The following NLRP8 variants were observed in gnomAD, a reference collection of about 807,000 sequenced individuals.
The protein encoded by NLRP8 is NACHT, LRR and PYD domains-containing protein 8.
In NLRP8, 86 loss-of-function variants were observed where a neutral mutation model predicts 88.7. The observed-to-expected ratio is 0.97, with a 90% CI of 0.81 to 1.16. The LOEUF is 1.16. NLRP8 is among the 50% of genes most tolerant of loss of function. The probability of loss-of-function intolerance (pLI) is 0.00; values close to 1 mark genes in which losing one functional copy is unlikely to be tolerated. For missense variants in NLRP8, 1,342 were observed against 1,286.5 expected (o/e 1.04, Z -0.66); for synonymous variants, 504 against 494.6 (o/e 1.02, Z -0.25).
rs753451588 is a variant in NLRP8, at chr19:55,976,317, C to G, written c.2876+14C>G. 3 of 1,585,490 alleles carry G rather than the reference C, an allele frequency of 1.9e-6. No homozygotes were observed. The highest frequency in any genetic ancestry group is 2.6e-6 in the Non-Finnish European group (3 of 1,170,152). On this transcript the variant is annotated intron_variant, in intron 8 of 9. Transcript: ENST00000291971. ...ACAGATCCTGGAGTAAGTGGCCCCT[C>G]GTCTCCTCCTGTGAGACCAGGAGAA...
In NLRP8 at chr19:55,987,945, T is replaced by G; in HGVS notation, c.*32T>G. On this transcript the variant is annotated 3_prime_UTR_variant, in exon 10 of 10. Transcript: ENST00000291971. ...CAGTCATCTTTCTCTGGGGCTTGAT[T>G]GATCAGTTCCCACTCTGACAACTGG... The G allele has an allele frequency of 1.3e-6, 2 of 1,515,544 alleles. No individual in the cohort carries two copies. The highest frequency in any genetic ancestry group is 1.8e-6 in the Non-Finnish European group (2 of 1,090,298). The allele number at this position is 1,515,544 out of a possible 1,614,324, so 93.9% of individuals were successfully genotyped here.
chr19:55,954,277 C>T (rs1450180534), intron 2 of NLRP8, among the ~76,000 whole-genome samples: 2 of 152,174 alleles, frequency 1.3e-5, no homozygotes, highest in Non-Finnish European at 2.9e-5. Context: ...CCATACTTCT[C>T]ACGTAGAAAG....
intron 2 of NLRP8, among the ~76,000 whole-genome samples, chr19:55,952,816 C>T (rs1979156168): frequency 6.6e-6 from 1 of 152,160 alleles, no homozygotes; most frequent in Non-Finnish European, 1.5e-5. Context: ...GTCCCAGCTA[C>T]TTGGGAGGCT....
At chr19:55,967,459 G>A (rs1400459303) in intron 5 of NLRP8, among the ~76,000 whole-genome samples, 2 of 152,168 alleles carry the variant, frequency 1.3e-5, no homozygotes, top group African/African-American at 4.8e-5. Flanking sequence ...TTGTCTTTCT[G>A]TGCCTGGCTT....
chr19:55,959,770 G>T (rs1472730303), intron 3 of NLRP8, among the ~76,000 whole-genome samples: 1 of 152,172 alleles, frequency 6.6e-6, no homozygotes, highest in African/African-American at 2.4e-5. Context: ...AAGTTTTCCA[G>T]AGCTTATATG....
At chr19:55,950,845 C>T (rs1441432596) in intron 1 of NLRP8, among the ~76,000 whole-genome samples, 1 of 152,156 alleles carries the variant, frequency 6.6e-6, no homozygotes, top group Non-Finnish European at 1.5e-5. Flanking sequence ...TTTGGGAGGC[C>T]GAGGCGGGAG....
Position 55,988,425 on chromosome 19 carries a change from A to AATAT in NLRP8, c.*519_*522dup, listed in dbSNP as rs1256657754. ...GAAAAAAAAAATACATATACACATA[A>AATAT]ATATATATATGTGTGTGTGTATATA... On this transcript the variant is annotated 3_prime_UTR_variant, in exon 10 of 10. Transcript: ENST00000291971. The AATAT allele has an allele frequency of 2.1e-4, 18 of 85,098 alleles. No homozygotes were observed. Among genetic ancestry groups the AATAT allele is most frequent in the African/African-American group, 9.7e-4 (17 of 17,460 alleles). The allele number at this position is 85,098 out of a possible 1,614,324, so 5.3% of individuals were successfully genotyped here. A position where few individuals can be genotyped will look rare whatever the true frequency, so the allele number is the denominator to read the frequency against.
At chr19:55,974,837 C>T (rs1225906979) in intron 7 of NLRP8, among the ~76,000 whole-genome samples, 1 of 152,052 alleles carries the variant, frequency 6.6e-6, no homozygotes, top group Admixed American at 6.6e-5. Context: ...CCCCCACCTC[C>T]CTCTGTGCCC....
At chr19:55,965,374 C>G (rs1979789489) in intron 4 of NLRP8, among the ~76,000 whole-genome samples, 1 of 151,866 alleles carries the variant, frequency 6.6e-6, no homozygotes, top group African/African-American at 2.4e-5. Context: ...TCACTTGAAC[C>G]TGGGAGGCAG....
At chr19:55,956,553 G>A (rs945186398) in intron 3 of NLRP8, among the ~76,000 whole-genome samples, 3 of 151,900 alleles carry the variant, frequency 2.0e-5, no homozygotes, top group African/African-American at 7.3e-5. Context: ...CAGTACTTCT[G>A]TTTTAAAACA....
At position 55,979,492 on chromosome 19, in the gene NLRP8, C is replaced by A. The variant is rs61743336; in HGVS notation, c.2975C>A (p.Ala992Glu). Reference sequence around the variant, plus strand: ...AGACATCTGGACTTGAGCAAGAATGCGATTGGAGTCTATGGTATTCTGACC... The same window carrying A: ...AGACATCTGGACTTGAGCAAGAATGAGATTGGAGTCTATGGTATTCTGACC... The change falls in exon 9 of 10, where the codon GCG (alanine) becomes GAG (glutamate). Residue 992 changes from alanine (A) to glutamate (E), a missense_variant. By Grantham distance (107) the Ala-to-Glu change is moderately radical. Coordinates refer to ENST00000291971, the MANE Select transcript of NLRP8 (RefSeq NM_176811.2). 354 of 1,614,156 alleles carry A rather than the reference C, an allele frequency of 2.2e-4. 1 individual carries two copies. The African/African-American group carries it at 4.2e-3, about 19-fold the overall frequency.
chr19:55,962,326 A>G, intron 4 of NLRP8, 89 bp downstream of exon 4: 3 of 1,374,644 alleles, frequency 2.2e-6, no homozygotes, highest in Admixed American at 4.3e-5. Context: ...CACTCACACT[A>G]GACTTCCGGA....
chr19:55,948,231 GT>G lies in NLRP8; in HGVS notation c.330del (p.Cys110TrpfsTer7). The G allele has an allele frequency of 6.2e-7, 1 of 1,614,038 alleles. No individual in the cohort carries two copies. Among genetic ancestry groups the G allele is most frequent in the Non-Finnish European group, 8.5e-7 (1 of 1,179,964 alleles). ...TCGAACATCTTTGCCATTATGAACT[GT>G]GATAAAATGTGTGTTGTAGTCCGCA... is the stretch of plus-strand genomic sequence containing the variant. On this transcript the variant is annotated frameshift_variant, in exon 1 of 10. Transcript: ENST00000291971. LOFTEE classifies it high-confidence loss of function.
At chr19:55,970,992 G>A (rs181636827) in intron 6 of NLRP8, among the ~76,000 whole-genome samples, 58 of 152,022 alleles carry the variant, frequency 3.8e-4, no homozygotes, top group Non-Finnish European at 6.5e-4. Flanking sequence ...TTCTGTTTTC[G>A]CCTGTCCTCA....
Position 55,970,626 on chromosome 19 carries a change from A to T in NLRP8, c.2464A>T (p.Ile822Leu), listed in dbSNP as rs1340120433. ...AGGTAACGGGCATCTAAAGACTCTCATACTAAGAAAAAACTCCCTGGAGAA... is the reference window on the plus strand; with the variant it reads ...AGGTAACGGGCATCTAAAGACTCTCTTACTAAGAAAAAACTCCCTGGAGAA... The change falls in exon 6 of 10, where the codon ATA (isoleucine) becomes TTA (leucine). Residue 822 changes from isoleucine to leucine, a missense_variant. Coordinates refer to ENST00000291971, the MANE Select transcript of NLRP8 (RefSeq NM_176811.2). The T allele has an allele frequency of 6.2e-7, 1 of 1,614,004 alleles. No homozygotes were observed. Among genetic ancestry groups the T allele is most frequent in the Non-Finnish European group, 8.5e-7 (1 of 1,180,042 alleles).
intron 6 of NLRP8, among the ~76,000 whole-genome samples, chr19:55,972,708 T>C (rs1031697946): frequency 3.3e-5 from 5 of 152,032 alleles, no homozygotes; most frequent in African/African-American, 1.2e-4. Context: ...GTTACTTCAC[T>C]TAGAAAAATA....
Position 55,986,485 on chromosome 19 carries a change from C to CACACACACAT in NLRP8, c.3048-1320_3048-1319insTACACACACA, listed in dbSNP as rs1555759221. ...ACACTCTCTCACATACACACACACA[C>CACACACACAT]ACACACACACACACACACACACACT... is the stretch of plus-strand genomic sequence containing the variant. On this transcript the variant is annotated intron_variant, in intron 9 of 9. Transcript: ENST00000291971. 2.1e-3 allele frequency among the ~76,000 whole-genome samples: 320 copies of CACACACACAT among 150,604 alleles called. 3 individuals are homozygous for CACACACACAT. The highest frequency in any genetic ancestry group is 7.5e-3 in the African/African-American group (306 of 40,886).
chr19:55,979,444 TG>T lies in NLRP8; in HGVS notation c.2928del (p.Met976IlefsTer8), dbSNP rs766077939. The T allele has an allele frequency of 6.2e-7, 1 of 1,614,208 alleles. No individual in the cohort carries two copies. Among genetic ancestry groups the T allele is most frequent in the Non-Finnish European group, 8.5e-7 (1 of 1,180,038 alleles). ...ATCTGCTGCCAGGCCATGGCTTCCA[TG>T]CTCCGCAAAAACCAACATCTGAGAC... On this transcript the variant is annotated frameshift_variant, in exon 9 of 10. Transcript: ENST00000291971. LOFTEE classifies it high-confidence loss of function.
At chr19:55,985,491 G>A (rs942101343) in intron 9 of NLRP8, among the ~76,000 whole-genome samples, 2 of 151,996 alleles carry the variant, frequency 1.3e-5, no homozygotes, top group African/African-American at 4.8e-5. Context: ...AAAAGACTAG[G>A]GAAAGGGTAG....
Sources: gnomAD v4.1 joint callset for allele counts (sites outside exome capture counted in the v4.1 genomes callset) on GRCh38, gnomAD v4.1.1 for gene constraint, MANE v1.5 for transcripts, NCBI Gene and HGNC (gene_info 2026-07-23, HGNC 2026-07-21) for gene names.